Variants in DCAF6 observed in about 807,000 individuals in gnomAD.
The protein encoded by DCAF6 is DDB1 and CUL4 associated factor 6.
Under a neutral mutation model 125.1 loss-of-function variants are expected in DCAF6, and 54 were observed. The observed-to-expected ratio is 0.43, with a 90% CI of 0.35 to 0.54. The LOEUF (loss-of-function observed/expected upper bound fraction) is 0.54. DCAF6 is among the 20% of genes least tolerant of loss of function. The probability of loss-of-function intolerance (pLI) is 0.01; values close to 1 mark genes in which losing one functional copy is unlikely to be tolerated. For missense variants in DCAF6, 934 were observed against 1,161.7 expected (o/e 0.80, Z 2.85); for synonymous variants, 371 against 390.4 (o/e 0.95, Z 0.58).
chr1:167,891,640 A>T, the DCAF6 span, among the ~76,000 whole-genome samples: 1 of 148,880 alleles, frequency 6.7e-6, no homozygotes, highest in Non-Finnish European at 1.5e-5. Context: ...TGGGCGACAG[A>T]ATGAGACTCT....
intron 18 of DCAF6, among the ~76,000 whole-genome samples, chr1:168,064,784 T>G (rs1692117273): frequency 6.6e-6 from 1 of 152,204 alleles, no homozygotes; most frequent in Admixed American, 6.5e-5. Context: ...AAGTAGCAGC[T>G]GCAGTTAAAA....
intron 7 of DCAF6, 151 bp from the exon 8 acceptor site, chr1:168,002,331 T>G: frequency 1.7e-6 from 1 of 603,284 alleles, no homozygotes; most frequent in Non-Finnish European, 2.9e-6. Flanking sequence ...AGACTGACGC[T>G]TATACCAGTG....
chr1:168,020,096 CAT>C (rs2103219505), intron 11 of DCAF6: 1 of 152,262 alleles, frequency 6.6e-6, no homozygotes, highest in African/African-American at 2.4e-5. Context: ...CATTCAATAC[CAT>C]ATGTCTGAAA....
the DCAF6 span, among the ~76,000 whole-genome samples, chr1:167,868,919 C>T: frequency 2.0e-5 from 3 of 152,176 alleles, no homozygotes; most frequent in Non-Finnish European, 4.4e-5. Context: ...CAAGCCTTGA[C>T]TATTCTGGCC....
the DCAF6 span, chr1:167,902,165 G>A: frequency 1.9e-6 from 2 of 1,075,928 alleles, no homozygotes; most frequent in Non-Finnish European, 2.8e-6. Context: ...GTGATTCAGA[G>A]AATAGGCTTA....
chr1:167,882,077 A>G, the DCAF6 span, among the ~76,000 whole-genome samples: 1 of 152,256 alleles, frequency 6.6e-6, no homozygotes, highest in Non-Finnish European at 1.5e-5. Context: ...GATGTGGGGC[A>G]GTAATTAAGT....
the DCAF6 span, among the ~76,000 whole-genome samples, chr1:167,908,662 A>C: frequency 1.3e-5 from 2 of 152,208 alleles, no homozygotes; most frequent in Admixed American, 1.3e-4. Flanking sequence ...CACCATAAAT[A>C]TGTACACTTT....
chr1:168,053,973 T>C (rs1572113278), intron 17 of DCAF6, among the ~76,000 whole-genome samples: 2 of 152,244 alleles, frequency 1.3e-5, no homozygotes, highest in East Asian at 1.9e-4. Context: ...ACTAATACAT[T>C]GTAAGGCAAA....
At chr1:167,918,294 C>G in the DCAF6 span, 1 of 1,546,506 alleles carries the variant, frequency 6.5e-7, no homozygotes, top group Non-Finnish European at 8.9e-7. Flanking sequence ...TTGTCCACAT[C>G]TAGATTGTTC....
At chr1:167,916,120 A>G in the DCAF6 span, among the ~76,000 whole-genome samples, 1 of 152,264 alleles carries the variant, frequency 6.6e-6, no homozygotes, top group Non-Finnish European at 1.5e-5. Flanking sequence ...GACTTCTAAT[A>G]TATTCTTACT....
intron 12 of DCAF6, among the ~76,000 whole-genome samples, chr1:168,028,123 G>T (rs961280711): frequency 7.9e-5 from 12 of 152,092 alleles, no homozygotes; most frequent in African/African-American, 2.7e-4. Flanking sequence ...AGTTTCAACA[G>T]TATGTTTTAA....
chr1:167,904,532 G>A, the DCAF6 span: 2 of 330,286 alleles, frequency 6.1e-6, no homozygotes, highest in Non-Finnish European at 1.1e-5. Flanking sequence ...CAACTGTACA[G>A]TGATAACTGC....
At chr1:168,057,004 A>T (rs1157080183) in intron 17 of DCAF6, among the ~76,000 whole-genome samples, 1 of 152,186 alleles carries the variant, frequency 6.6e-6, no homozygotes, top group East Asian at 1.9e-4. Flanking sequence ...TCCATGGTAC[A>T]GTATCCTTTA....
chr1:168,043,219 G>A, intron 14 of DCAF6, 79 bp downstream of exon 14: 1 of 1,058,588 alleles, frequency 9.4e-7, no homozygotes, highest in Non-Finnish European at 1.4e-6. Flanking sequence ...CTTCGATGCT[G>A]TATTTTGTTT....
At chr1:168,029,739 G>A (rs1333561782) in intron 12 of DCAF6, among the ~76,000 whole-genome samples, 1 of 152,158 alleles carries the variant, frequency 6.6e-6, no homozygotes, top group Non-Finnish European at 1.5e-5. Flanking sequence ...CCAGTACTTT[G>A]GGAGGCTGAG....
chr1:167,864,368 A>G, the DCAF6 span, among the ~76,000 whole-genome samples: 2 of 152,192 alleles, frequency 1.3e-5, no homozygotes, highest in Non-Finnish European at 2.9e-5. Flanking sequence ...AACTTTGTGT[A>G]AAATAGACTG....
chr1:168,050,840 G>T, intron 16 of DCAF6, 52 bp from the exon 17 acceptor site: 1 of 1,037,172 alleles, frequency 9.6e-7, no homozygotes. Context: ...TTAAATATTT[G>T]GTTCTTTGAA....
the DCAF6 span, among the ~76,000 whole-genome samples, chr1:167,903,363 A>C: frequency 2.0e-5 from 3 of 152,132 alleles, no homozygotes; most frequent in Non-Finnish European, 4.4e-5. Context: ...CAGGAGTTTG[A>C]GACCAGCCTG....
At chr1:167,889,338 G>A in the DCAF6 span, among the ~76,000 whole-genome samples, 3 of 152,080 alleles carry the variant, frequency 2.0e-5, no homozygotes, top group African/African-American at 7.2e-5. Flanking sequence ...TGATAATATG[G>A]TTTTTGTCCT....
Sources: allele counts gnomAD v4.1 joint callset (sites outside exome capture counted in the v4.1 genomes callset), GRCh38; gene constraint gnomAD v4.1.1; transcripts MANE v1.5; gene names NCBI Gene and HGNC (gene_info 2026-07-23, HGNC 2026-07-21).